TMEM114: variants seen among roughly 807,000 people sequenced by gnomAD.
TMEM114 encodes the protein claudin-26.
A neutral mutation model predicts 6.2 loss-of-function variants in TMEM114; 6 were observed. The ratio of observed to expected loss-of-function variants is 0.97; its 90% CI spans 0.53 to 1.91. The LOEUF (loss-of-function observed/expected upper bound fraction) is 1.91. Ranked by LOEUF, TMEM114 falls within the 40% of genes most tolerant of loss-of-function variation. The pLI, the probability that TMEM114 is intolerant of heterozygous loss-of-function variation, is 0.01. For missense variants in TMEM114, 218 were observed against 158.3 expected, an observed-to-expected ratio of 1.38 and a Z score of -2.02; for synonymous variants, 104 against 73.0, an observed-to-expected ratio of 1.42 and a Z score of -2.16.
At chr16:8,585,259 A>G (rs1902283639) in intron 2 of TMEM114, among the ~76,000 whole-genome samples, 1 of 152,210 alleles carries the variant, frequency 6.6e-6, no homozygotes, top group Non-Finnish European at 1.5e-5. Context: ...GAATTAAGGA[A>G]GCTACAATTC....
At chr16:8,547,396 C>CTTTT in intron 2 of TMEM114, among the ~76,000 whole-genome samples, 1 of 74,356 alleles carries the variant, frequency 1.3e-5, no homozygotes, top group African/African-American at 6.1e-5. Context: ...TTCTTTCTTT[C>CTTTT]TTTTTTTTTT....
intron 2 of TMEM114, among the ~76,000 whole-genome samples, chr16:8,578,925 G>A (rs1902038180): frequency 6.6e-6 from 1 of 152,176 alleles, no homozygotes; most frequent in Admixed American, 6.5e-5. Context: ...GTCACAGTGA[G>A]CTGAGATTGT....
intron 2 of TMEM114, among the ~76,000 whole-genome samples, chr16:8,578,015 G>T (rs1003213210): frequency 6.6e-6 from 1 of 152,158 alleles, no homozygotes; most frequent in African/African-American, 2.4e-5. Context: ...TGCCCTCATG[G>T]AGTTCACAGA....
rs1011422391 is a variant in TMEM114 at position 8,578,729 on chromosome 16, G to A, written c.302-6505C>T. 2.6e-5 allele frequency among the ~76,000 whole-genome samples: 4 copies of A among 151,986 alleles called. No individual in the cohort carries two copies. In the South Asian group the frequency reaches 6.2e-4, roughly 24 times the overall value. On this transcript the variant is annotated intron_variant, in intron 2 of 3. Coordinates refer to ENST00000620492, the MANE Select transcript of TMEM114 (RefSeq NM_001146336.2). ...TGTGGTGGCCCACACCTGTAATCCC[G>A]GCACTTTGAGAGGCTGAGACAGGTG...
At chr16:8,586,046 G>T (rs1025964142) in intron 2 of TMEM114, among the ~76,000 whole-genome samples, 2 of 152,200 alleles carry the variant, frequency 1.3e-5, no homozygotes, top group African/African-American at 4.8e-5. Flanking sequence ...TGAAGAGGAA[G>T]CCAGCCCAGT....
At chr16:8,575,043 C>T (rs1901872338) in intron 2 of TMEM114, among the ~76,000 whole-genome samples, 1 of 152,056 alleles carries the variant, frequency 6.6e-6, no homozygotes, top group Non-Finnish European at 1.5e-5. Context: ...GAAGATAGTC[C>T]CCTTTGGAAT....
At position 8,572,012 on chromosome 16, in the gene TMEM114, T is replaced by G. The variant is rs375379536; in HGVS notation, c.439+75A>C. On this transcript the variant is annotated intron_variant, in intron 3 of 3. Transcript: ENST00000620492. Reference sequence around the variant, plus strand: ...AGGCCCTGGGATCCCCCTCGTTTGCTGAGGGTTCATACACAGTACCCATTG... The same window carrying G: ...AGGCCCTGGGATCCCCCTCGTTTGCGGAGGGTTCATACACAGTACCCATTG... 1.3e-5 allele frequency: 19 copies of G among 1,426,710 alleles called. 1 individual carries two copies. The Admixed American group carries it at 1.5e-4, about 11-fold the overall frequency. 88.4% of individuals were successfully genotyped at this position (1,426,710 alleles called of 1,614,324 possible).
chr16:8,589,394 G>A (rs985718961), intron 1 of TMEM114, 101 bp from the exon 2 acceptor site: 68 of 398,478 alleles, frequency 1.7e-4, no homozygotes, highest in African/African-American at 1.3e-3. Flanking sequence ...TGCCCCACCC[G>A]GGGAGGGCGC....
chr16:8,540,412 G>A (rs58154057), intron 2 of TMEM114, among the ~76,000 whole-genome samples: 1,915 of 152,280 alleles, frequency 0.013, 53 homozygotes, highest in African/African-American at 0.044. Flanking sequence ...TAAGAGTGAT[G>A]ATGATTGCAT....
intron 2 of TMEM114, among the ~76,000 whole-genome samples, chr16:8,576,067 A>G (rs1901915715): frequency 2.0e-5 from 3 of 152,182 alleles, no homozygotes; most frequent in African/African-American, 7.2e-5. Flanking sequence ...AGACGAGGTC[A>G]TCTGAGACCA....
At chr16:8,556,489 A>T (rs1205762078) in intron 2 of TMEM114, among the ~76,000 whole-genome samples, 4 of 151,566 alleles carry the variant, frequency 2.6e-5, no homozygotes, top group African/African-American at 9.7e-5. Context: ...TGTGCACTTT[A>T]TTTGTCGTTG....
At chr16:8,543,132 G>C (rs1271584686) in intron 2 of TMEM114, among the ~76,000 whole-genome samples, 1 of 152,128 alleles carries the variant, frequency 6.6e-6, no homozygotes, top group Non-Finnish European at 1.5e-5. Context: ...CGGTGTTTCT[G>C]AAGTGTTTGG....
At chr16:8,550,780 T>C (rs1900816819) in intron 2 of TMEM114, among the ~76,000 whole-genome samples, 1 of 151,840 alleles carries the variant, frequency 6.6e-6, no homozygotes, top group Non-Finnish European at 1.5e-5. Flanking sequence ...GTTCACCTCC[T>C]GCCCACTCCC....
intron 2 of TMEM114, among the ~76,000 whole-genome samples, chr16:8,555,936 G>C (rs1238516088): frequency 6.6e-6 from 1 of 152,272 alleles, no homozygotes; most frequent in Admixed American, 6.5e-5. Context: ...ACTGCCTCTT[G>C]GACGTGTCCA....
At chr16:8,537,120 C>T (rs139837250), downstream of TMEM114, among the ~76,000 whole-genome samples, 722 of 151,574 alleles carry the variant, frequency 4.8e-3, 5 homozygotes, top group African/African-American at 0.017. Context: ...GCTGGAAGAT[C>T]GCATGAGCTC....
chr16:8,546,649 T>G (rs1443709293), intron 2 of TMEM114, among the ~76,000 whole-genome samples: 1 of 152,160 alleles, frequency 6.6e-6, no homozygotes, highest in African/African-American at 2.4e-5. Flanking sequence ...AAAATTTTTG[T>G]CCCTGTATCC....
intron 2 of TMEM114, among the ~76,000 whole-genome samples, chr16:8,546,122 AAAG>A (rs1170242864): frequency 6.6e-6 from 1 of 152,224 alleles, no homozygotes; most frequent in African/African-American, 2.4e-5. Flanking sequence ...TCAAAACAAA[AAAG>A]AAATGTTCAA....
chr16:8,567,679 A>T (rs576028210), downstream of TMEM114, among the ~76,000 whole-genome samples: 6 of 152,170 alleles, frequency 3.9e-5, no homozygotes, highest in East Asian at 1.2e-3. Context: ...CAGGTGGGGG[A>T]GAGAATCGCC....
chr16:8,551,759 G>A (rs1033497244), intron 2 of TMEM114, among the ~76,000 whole-genome samples: 3 of 152,202 alleles, frequency 2.0e-5, no homozygotes, highest in African/African-American at 4.8e-5. Context: ...TTCTAGGGGT[G>A]TTTCATTAAA....
Sources: gnomAD v4.1 joint callset for allele counts (sites outside exome capture counted in the v4.1 genomes callset) on GRCh38, gnomAD v4.1.1 for gene constraint, MANE v1.5 for transcripts, NCBI Gene and HGNC (gene_info 2026-07-23, HGNC 2026-07-21) for gene names.